The following MYZAP variants were observed in gnomAD, a reference collection of about 807,000 sequenced individuals.
MYZAP encodes myocardial zonula adherens protein.
In MYZAP, 66 loss-of-function variants were observed where a neutral mutation model predicts 69.4. The observed-to-expected ratio is 0.95, with a 90% CI of 0.78 to 1.17. MYZAP has a LOEUF of 1.17. MYZAP is among the 50% of genes most tolerant of loss of function. The pLI is 0.00. For synonymous variants in MYZAP, 256 were observed against 205.9 expected (o/e 1.24, Z -2.09); for missense variants, 611 against 556.2 (o/e 1.10, Z -0.99).
intron 6 of MYZAP, 34 bp from the exon 7 acceptor site, chr15:57,632,400 A>G (rs772026000): frequency 1.2e-5 from 20 of 1,613,588 alleles, no homozygotes; most frequent in Non-Finnish European, 1.6e-5. Flanking sequence ...TGGGCCCTGC[A>G]AAAGCTGTCG....
intron 12 of MYZAP, among the ~76,000 whole-genome samples, chr15:57,678,866 T>A (rs2039279282): frequency 1.3e-5 from 2 of 151,762 alleles, no homozygotes; most frequent in Non-Finnish European, 2.9e-5. Flanking sequence ...TTTTTTTTTG[T>A]CTTGTGTGAA....
At chr15:57,600,810 A>T (rs185487203) in intron 1 of MYZAP, among the ~76,000 whole-genome samples, 1 of 152,332 alleles carries the variant, frequency 6.6e-6, no homozygotes, top group Non-Finnish European at 1.5e-5. Context: ...GGCTGGGTGC[A>T]GTGGCTCATG....
chr15:57,620,694 C>T (rs1489637458), intron 3 of MYZAP, among the ~76,000 whole-genome samples: 4 of 152,166 alleles, frequency 2.6e-5, no homozygotes, highest in Non-Finnish European at 5.9e-5. Context: ...TATGGGCTCC[C>T]CAGGGTTCAT....
At chr15:57,615,028 C>A (rs1284940913) in intron 2 of MYZAP, among the ~76,000 whole-genome samples, 1 of 152,180 alleles carries the variant, frequency 6.6e-6, no homozygotes, top group Non-Finnish European at 1.5e-5. Flanking sequence ...GGAGTCCTCT[C>A]CCCTGGTGTG....
At chr15:57,651,831 C>T (rs1238561522) in intron 10 of MYZAP, among the ~76,000 whole-genome samples, 1 of 152,278 alleles carries the variant, frequency 6.6e-6, no homozygotes, top group Admixed American at 6.5e-5. Flanking sequence ...GCAGTTTAAC[C>T]GTCCTTCCCT....
intron 10 of MYZAP, chr15:57,647,972 C>T (rs547843781): frequency 1.7e-4 from 167 of 985,412 alleles, no homozygotes; most frequent in African/African-American, 2.1e-4. Flanking sequence ...GATCCTTAGC[C>T]TTGGACTCCA....
chr15:57,639,383 A>T lies in MYZAP; in HGVS notation c.1014-57A>T. 3 of 1,566,318 alleles carry T rather than the reference A, an allele frequency of 1.9e-6. No homozygotes were observed. The South Asian group carries it at 3.4e-5, about 18-fold the overall frequency. The stretch of plus-strand genomic sequence containing the variant: ...ATTCTTTAAAGCTGTGACTGTTGCT[A>T]CTGCTGTTGCTGCTTTGGTTTAGGA... On this transcript the variant is annotated intron_variant, in intron 9 of 12. Coordinates refer to ENST00000267853, the MANE Select transcript of MYZAP (RefSeq NM_001018100.5).
intron 10 of MYZAP, among the ~76,000 whole-genome samples, chr15:57,654,724 T>TCCC (rs1182647575): frequency 6.6e-6 from 1 of 152,154 alleles, no homozygotes; most frequent in African/African-American, 2.4e-5. Context: ...GTCCTACATG[T>TCCC]TACTAATGGG....
At chr15:57,614,041 T>C (rs1210721440) in intron 2 of MYZAP, among the ~76,000 whole-genome samples, 2 of 152,212 alleles carry the variant, frequency 1.3e-5, no homozygotes, top group African/African-American at 4.8e-5. Flanking sequence ...CATACTGATA[T>C]TTTATAAAAA....
intron 10 of MYZAP, among the ~76,000 whole-genome samples, chr15:57,656,285 G>A (rs1734136849): frequency 6.6e-6 from 1 of 152,152 alleles, no homozygotes; most frequent in African/African-American, 2.4e-5. Flanking sequence ...TGGCTGGATG[G>A]ATTTGTTGAT....
At chr15:57,678,872 G>A (rs1374196251) in intron 12 of MYZAP, among the ~76,000 whole-genome samples, 1 of 150,856 alleles carries the variant, frequency 6.6e-6, no homozygotes, top group African/African-American at 2.4e-5. Context: ...TTTGTCTTGT[G>A]TGAAAAAAAA....
chr15:57,660,535 G>C (rs1440687681), intron 10 of MYZAP, among the ~76,000 whole-genome samples: 4 of 152,074 alleles, frequency 2.6e-5, no homozygotes. Context: ...GGCTGGTCTT[G>C]AACTCCTAGG....
At chr15:57,602,473 AG>A (rs1338191873) in intron 1 of MYZAP, among the ~76,000 whole-genome samples, 13 of 152,140 alleles carry the variant, frequency 8.5e-5, no homozygotes, top group African/African-American at 3.1e-4. Flanking sequence ...ATTTTGATTT[AG>A]GGCCACACTT....
Position 57,629,701 on chromosome 15 carries a change from GA to G in MYZAP, c.529del (p.Thr177ProfsTer5). ...ALASDSIGLQKTLVDVTLENS... is the reference protein window; with the variant it reads ...ALASDSIGLQXTLVDVTLENS... ...TTTTGTTTTTATTTTCATCCTCACA[GA>G]AAACCCTCGTGGATGTGACTTTGGA... is the stretch of plus-strand genomic sequence containing the variant. On this transcript the variant is annotated frameshift_variant and splice_region_variant, in exon 6 of 13. Transcript: ENST00000267853. LOFTEE classifies it high-confidence loss of function. The G allele has an allele frequency of 6.2e-7, 1 of 1,606,362 alleles. No individual in the cohort carries two copies. The highest frequency in any genetic ancestry group is 8.5e-7 in the Non-Finnish European group (1 of 1,177,956).
At chr15:57,606,728 T>C (rs1268727664) in intron 2 of MYZAP, among the ~76,000 whole-genome samples, 1 of 151,790 alleles carries the variant, frequency 6.6e-6, no homozygotes, top group Non-Finnish European at 1.5e-5. Flanking sequence ...TAAAGTATAA[T>C]AATAATAAAA....
At chr15:57,609,279 A>T (rs2034957577) in intron 2 of MYZAP, among the ~76,000 whole-genome samples, 1 of 152,224 alleles carries the variant, frequency 6.6e-6, no homozygotes, top group Admixed American at 6.5e-5. Context: ...CAAAGCATGA[A>T]AAACGAGATG....
rs144885961 is a variant in MYZAP at position 57,599,658 on chromosome 15, C to T, written c.76-4611C>T. ...GGGGCATCTCTGGAGATTGTGTATC[C>T]GAGTTTCAGGAGACCATGGAGATCA... On this transcript the variant is annotated intron_variant, in intron 1 of 12. Transcript: ENST00000267853. The T allele has an allele frequency of 3.3e-5, 43 of 1,289,168 alleles. 1 individual carries two copies. Among genetic ancestry groups the T allele is most frequent in the Middle Eastern group, 4.3e-4 (2 of 4,690 alleles). 79.9% of individuals were successfully genotyped at this position (1,289,168 alleles called of 1,614,324 possible).
chr15:57,633,515 A>G, intron 7 of MYZAP, 98 bp from the exon 8 acceptor site: 5 of 1,394,788 alleles, frequency 3.6e-6, no homozygotes, highest in Non-Finnish European at 4.7e-6. Context: ...CATGTTTTAA[A>G]GAGAAATCGT....
chr15:57,671,864 G>A (rs1224662992), intron 11 of MYZAP, among the ~76,000 whole-genome samples: 1 of 152,080 alleles, frequency 6.6e-6, no homozygotes, highest in Non-Finnish European at 1.5e-5. Flanking sequence ...AGTTACATCA[G>A]GATTGGTGTC....
Sources: allele counts gnomAD v4.1 joint callset (sites outside exome capture counted in the v4.1 genomes callset), GRCh38; gene constraint gnomAD v4.1.1; transcripts MANE v1.5; gene names NCBI Gene and HGNC (gene_info 2026-07-23, HGNC 2026-07-21).